Variants in ITPR2 observed in about 807,000 individuals in gnomAD.
ITPR2 encodes inositol 1,4,5-trisphosphate receptor type 2.
Under a neutral mutation model 317.1 loss-of-function variants are expected in ITPR2, and 207 were observed. The ratio of observed to expected loss-of-function variants is 0.65; its 90% CI spans 0.58 to 0.73. The LOEUF (loss-of-function observed/expected upper bound fraction) is 0.73. ITPR2 is among the 30% of genes least tolerant of loss of function. ITPR2 has a pLI of 0.00. For missense variants in ITPR2, 2,613 were observed against 3,284.0 expected (o/e 0.80, Z 4.99); for synonymous variants, 1,156 against 1,149.1 (o/e 1.01, Z -0.12).
intron 55 of ITPR2, among the ~76,000 whole-genome samples, chr12:26,368,061 C>G (rs964697026): frequency 1.3e-5 from 2 of 152,188 alleles, no homozygotes; most frequent in Admixed American, 1.3e-4. Context: ...CATTGGAAGA[C>G]TCTTTGGGGA....
rs1351711706 is a variant in ITPR2 at position 26,427,888 on chromosome 12, G to C, written c.6945+25C>G. Reference sequence around the variant, plus strand: ...ACACTTTTAAACTAATTCTGTAACAGTACAAAGCTAAGTAAAGTACTTACA... The same window carrying C: ...ACACTTTTAAACTAATTCTGTAACACTACAAAGCTAAGTAAAGTACTTACA... On this transcript the variant is annotated intron_variant, in intron 49 of 56. Coordinates refer to ENST00000381340, the MANE Select transcript of ITPR2 (RefSeq NM_002223.4). The C allele has an allele frequency of 4.1e-6, 6 of 1,471,450 alleles. No homozygotes were observed. In the Admixed American group the frequency reaches 1.4e-4, roughly 34 times the overall value. 91.1% of individuals were successfully genotyped at this position (1,471,450 alleles called of 1,614,324 possible).
At chr12:26,391,564 T>C (rs1199168977) in intron 54 of ITPR2, among the ~76,000 whole-genome samples, 2 of 127,742 alleles carry the variant, frequency 1.6e-5, no homozygotes, top group Non-Finnish European at 3.3e-5. Flanking sequence ...TCCTTTTTTT[T>C]TTTTTTTTTT....
At chr12:26,351,038 A>G (rs1036984074) in intron 55 of ITPR2, among the ~76,000 whole-genome samples, 1 of 152,178 alleles carries the variant, frequency 6.6e-6, no homozygotes, top group Non-Finnish European at 1.5e-5. Flanking sequence ...GACGGCTGGC[A>G]AGCTACAAGG....
intron 26 of ITPR2, among the ~76,000 whole-genome samples, chr12:26,618,017 T>C (rs926238135): frequency 6.6e-6 from 1 of 152,162 alleles, no homozygotes; most frequent in East Asian, 1.9e-4. Flanking sequence ...ATAATCTTAA[T>C]AGATGTGTAA....
chr12:26,355,751 C>A (rs932976982), intron 55 of ITPR2, among the ~76,000 whole-genome samples: 1 of 152,136 alleles, frequency 6.6e-6, no homozygotes, highest in Non-Finnish European at 1.5e-5. Flanking sequence ...GTCTTTCATC[C>A]CTGGTCTCTC....
At chr12:26,508,924 C>T (rs1943257843) in intron 37 of ITPR2, among the ~76,000 whole-genome samples, 1 of 152,150 alleles carries the variant, frequency 6.6e-6, no homozygotes, top group African/African-American at 2.4e-5. Flanking sequence ...AAACAGAGGT[C>T]CACACAAGAA....
rs1381952022 is a variant in ITPR2 at position 26,681,861 on chromosome 12, T to G, written c.1409+13A>C. 6.6e-7 allele frequency: 1 copy of G among 1,520,106 alleles called. No individual in the cohort carries two copies. The highest frequency in any genetic ancestry group is 1.1e-5 in the South Asian group (1 of 87,260). 94.2% of individuals were successfully genotyped at this position (1,520,106 alleles called of 1,614,324 possible). A position where few individuals can be genotyped will look rare whatever the true frequency, so the allele number is the denominator to read the frequency against. On this transcript the variant is annotated intron_variant, in intron 13 of 56. Transcript: ENST00000381340. ...CTGACTCGTGATTATTTAAGACCAA[T>G]TTAAAGAGTTACCTCCTTTCATTCT...
chr12:26,685,423 C>T (rs1473893912), intron 11 of ITPR2, among the ~76,000 whole-genome samples: 1 of 152,038 alleles, frequency 6.6e-6, no homozygotes, highest in African/African-American at 2.4e-5. Context: ...TGGCAAAATA[C>T]CATCTCTACA....
intron 49 of ITPR2, among the ~76,000 whole-genome samples, chr12:26,420,650 T>C (rs1940861415): frequency 6.6e-6 from 1 of 152,170 alleles, no homozygotes; most frequent in Non-Finnish European, 1.5e-5. Flanking sequence ...ATTCATGTCT[T>C]ATTTCACTGT....
At chr12:26,549,183 CCTAT>C (rs946968382) in intron 37 of ITPR2, among the ~76,000 whole-genome samples, 2 of 152,092 alleles carry the variant, frequency 1.3e-5, no homozygotes, top group African/African-American at 2.4e-5. Context: ...GTTTTTGAGT[CCTAT>C]CTTAGAGAAA....
chr12:26,449,364 T>C (rs74988331), intron 45 of ITPR2, among the ~76,000 whole-genome samples: 7,210 of 152,260 alleles, frequency 0.047, 348 homozygotes, highest in African/African-American at 0.12. Flanking sequence ...TATTCTAATG[T>C]GCAAAATATG....
At chr12:26,592,643 G>A (rs370211738) in intron 32 of ITPR2, among the ~76,000 whole-genome samples, 1 of 152,190 alleles carries the variant, frequency 6.6e-6, no homozygotes, top group South Asian at 2.1e-4. Flanking sequence ...ATATAAATTT[G>A]ACTACTAGTC....
intron 52 of ITPR2, among the ~76,000 whole-genome samples, chr12:26,410,108 G>C (rs1284903411): frequency 6.6e-6 from 1 of 152,198 alleles, no homozygotes; most frequent in East Asian, 1.9e-4. Flanking sequence ...GAGTGTCATG[G>C]CAGTACTCAC....
rs762715952 is a variant in ITPR2, at chr12:26,599,135, G to A, written c.4002+10C>T. ...AGGTGAAGCTGATAAAAGGCAAACT[G>A]AGAACATACCTCTGTCATTACCATA... On this transcript the variant is annotated intron_variant, in intron 30 of 56. Transcript: ENST00000381340. 3.7e-6 allele frequency: 6 copies of A among 1,612,808 alleles called. No individual in the cohort carries two copies. The African/African-American group carries it at 6.7e-5, about 18-fold the overall frequency.
intron 1 of ITPR2, among the ~76,000 whole-genome samples, chr12:26,820,923 T>C (rs1044056259): frequency 2.6e-5 from 4 of 152,132 alleles, no homozygotes; most frequent in Non-Finnish European, 4.4e-5. Flanking sequence ...GTACCTAGAA[T>C]AGGCAAATTC....
Position 26,400,155 on chromosome 12 carries a change from C to G in ITPR2, c.7503G>C (p.Gly2501=). The part of the protein sequence containing the change: ...NQGLRNGGGV[G]DVLRRPSKDE... ...CTTTCGATGGCCTTCTTAGCACATC[C>G]CCCACACCACCGCCATTCCTGAGGC... The change falls in exon 53 of 57, where the codon GGG becomes GGC. Residue 2501 remains glycine, a synonymous_variant. Transcript: ENST00000381340. The G allele has an allele frequency of 6.2e-7, 1 of 1,611,656 alleles. No individual in the cohort carries two copies. Among genetic ancestry groups the G allele is most frequent in the Non-Finnish European group, 8.5e-7 (1 of 1,178,390 alleles).
chr12:26,639,122 T>C (rs972056916), intron 21 of ITPR2, among the ~76,000 whole-genome samples: 1 of 152,124 alleles, frequency 6.6e-6, no homozygotes, highest in Non-Finnish European at 1.5e-5. Context: ...TGCATAGGAC[T>C]ATACAGAGAG....
chr12:26,794,884 G>C (rs1365892273), intron 1 of ITPR2, among the ~76,000 whole-genome samples: 5 of 152,172 alleles, frequency 3.3e-5, no homozygotes, highest in African/African-American at 2.4e-5. Flanking sequence ...TGTTCTACCA[G>C]GCTGAACTTG....
chr12:26,566,814 G>T (rs1488817753), intron 34 of ITPR2, among the ~76,000 whole-genome samples: 2 of 152,018 alleles, frequency 1.3e-5, no homozygotes, highest in African/African-American at 2.4e-5. Context: ...TTCACACACA[G>T]CAGTGCAACT....
Sources: allele counts gnomAD v4.1 joint callset (sites outside exome capture counted in the v4.1 genomes callset), GRCh38; gene constraint gnomAD v4.1.1; transcripts MANE v1.5; gene names NCBI Gene and HGNC (gene_info 2026-07-23, HGNC 2026-07-21).